Variants in CEP63 observed in about 807,000 individuals in gnomAD.
CEP63 encodes centrosomal protein 63, also known as centrosomal protein of 63 kDa.
A neutral mutation model predicts 89.1 loss-of-function variants in CEP63; 84 were observed. The observed-to-expected ratio is 0.94, with a 90% CI of 0.79 to 1.13. CEP63 has a LOEUF of 1.13. Among genes scored for constraint, CEP63 ranks in the 50% most tolerant of loss-of-function variants. The pLI is 0.00. For synonymous variants in CEP63, 267 were observed against 272.5 expected, an observed-to-expected ratio of 0.98 and a Z score of 0.20; for missense variants, 838 against 813.3, an observed-to-expected ratio of 1.03 and a Z score of -0.37.
the CEP63 span, among the ~76,000 whole-genome samples, chr3:134,706,297 T>G: frequency 3.3e-5 from 5 of 152,184 alleles, no homozygotes; most frequent in African/African-American, 1.2e-4. Flanking sequence ...TCTGTAGGCT[T>G]AAAATCAGCT....
the CEP63 span, among the ~76,000 whole-genome samples, chr3:134,701,240 A>G: frequency 1.4e-4 from 19 of 136,462 alleles, no homozygotes; most frequent in Non-Finnish European, 2.8e-4. Context: ...GTATATATAC[A>G]CACATATATA....
chr3:134,649,757 TG>T, the CEP63 span, among the ~76,000 whole-genome samples: 2 of 152,216 alleles, frequency 1.3e-5, no homozygotes, highest in Admixed American at 6.5e-5. Flanking sequence ...CCTATGTGGC[TG>T]GTAGTGGCAA....
rs536543915 is a variant in CEP63, at chr3:134,552,002, G to T, written c.1457G>T (p.Gly486Val). The change falls in exon 12 of 15, where the codon GGT (glycine) becomes GTT (valine). Residue 486 changes from glycine to valine, a missense_variant. Coordinates refer to ENST00000675561, the MANE Select transcript of CEP63 (RefSeq NM_001353108.3). Reference protein sequence around the residue: ...LSEMVMKLELGLHEAKEISLA... With the variant: ...LSEMVMKLELVLHEAKEISLA... ...GAAATGGTGATGAAATTGGAATTGG[G>T]TTTACATGAGGTACATAAATAGAAA... 1,184 of 1,587,036 alleles carry T rather than the reference G, an allele frequency of 7.5e-4. 18 individuals are homozygous for T. The South Asian group carries it at 0.013, about 17-fold the overall frequency.
chr3:134,588,212 G>C (rs1033218960), downstream of CEP63, among the ~76,000 whole-genome samples: 1 of 152,072 alleles, frequency 6.6e-6, no homozygotes, highest in East Asian at 1.9e-4. Context: ...AGAATCACTT[G>C]AGGGGGATAG....
At chr3:134,534,364 C>T (rs959898314) in intron 5 of CEP63, among the ~76,000 whole-genome samples, 1 of 152,174 alleles carries the variant, frequency 6.6e-6, no homozygotes, top group Admixed American at 6.5e-5. Context: ...TATGCCACCC[C>T]TCTAGAATCT....
At chr3:134,552,699 G>A (rs1308030782) in intron 12 of CEP63, 5 of 151,316 alleles carry the variant, frequency 3.3e-5, no homozygotes, top group African/African-American at 9.7e-5. Flanking sequence ...TATCTTTTTA[G>A]AAAGTATATT....
the CEP63 span, among the ~76,000 whole-genome samples, chr3:134,766,667 C>T: frequency 2.6e-5 from 4 of 152,242 alleles, no homozygotes; most frequent in African/African-American, 4.8e-5. Context: ...AGAGTGAGGC[C>T]GGAACAGTCA....
chr3:134,500,892 T>C (rs946122254), intron 2 of CEP63, among the ~76,000 whole-genome samples: 3 of 152,196 alleles, frequency 2.0e-5, no homozygotes, highest in African/African-American at 7.2e-5. Flanking sequence ...ACATATCTTT[T>C]TGAGTCATAA....
chr3:134,775,225 G>T, the CEP63 span, among the ~76,000 whole-genome samples: 1 of 152,182 alleles, frequency 6.6e-6, no homozygotes, highest in Non-Finnish European at 1.5e-5. Context: ...ACGTGATTTA[G>T]TGGAATAGTG....
At chr3:134,649,286 TG>T in the CEP63 span, among the ~76,000 whole-genome samples, 1 of 152,174 alleles carries the variant, frequency 6.6e-6, no homozygotes, top group Non-Finnish European at 1.5e-5. Context: ...ATGGCGAGTT[TG>T]TGCTAGGTGT....
the CEP63 span, among the ~76,000 whole-genome samples, chr3:134,681,011 C>T: frequency 6.6e-6 from 1 of 152,182 alleles, no homozygotes; most frequent in Admixed American, 6.5e-5. Flanking sequence ...AGGTGGCACT[C>T]GGGACAGGAG....
chr3:134,501,795 C>G (rs1222535278), intron 2 of CEP63, among the ~76,000 whole-genome samples: 1 of 152,136 alleles, frequency 6.6e-6, no homozygotes, highest in African/African-American at 2.4e-5. Context: ...TTGACTTTTT[C>G]TTTTCCTATT....
the CEP63 span, among the ~76,000 whole-genome samples, chr3:134,705,435 C>A: frequency 2.6e-5 from 4 of 152,160 alleles, no homozygotes; most frequent in Non-Finnish European, 5.9e-5. Flanking sequence ...TGGCACCATG[C>A]CATTCATAAA....
chr3:134,709,439 A>G, the CEP63 span, among the ~76,000 whole-genome samples: 1 of 137,734 alleles, frequency 7.3e-6, no homozygotes, highest in Non-Finnish European at 1.5e-5. Flanking sequence ...GTCATAGGAC[A>G]TGTTCACAAA....
At chr3:134,497,195 A>C (rs1182256313) in intron 2 of CEP63, among the ~76,000 whole-genome samples, 1 of 152,120 alleles carries the variant, frequency 6.6e-6, no homozygotes. Flanking sequence ...ATAGTTTGCA[A>C]ATATTTTCTC....
At chr3:134,730,679 A>G in the CEP63 span, among the ~76,000 whole-genome samples, 1 of 152,166 alleles carries the variant, frequency 6.6e-6, no homozygotes, top group South Asian at 2.1e-4. Flanking sequence ...CTATAAACTT[A>G]AAAAAATGAA....
intron 6 of CEP63, among the ~76,000 whole-genome samples, chr3:134,538,540 T>TATATAC (rs1577185236): frequency 2.2e-5 from 3 of 138,740 alleles, no homozygotes; most frequent in East Asian, 4.4e-4. Context: ...TGTGTATATA[T>TATATAC]ATATATATAT....
At chr3:134,488,112 A>C (rs1026772157) in intron 1 of CEP63, 1 of 152,292 alleles carries the variant, frequency 6.6e-6, no homozygotes, top group Non-Finnish European at 1.5e-5. Context: ...GCTAGTGAGC[A>C]TTACCTACCA....
Position 134,564,547 on chromosome 3 carries a change from C to A in CEP63, c.*3012C>A. 1.0e-6 allele frequency: 1 copy of A among 985,414 alleles called. No homozygotes were observed. Among genetic ancestry groups the A allele is most frequent in the South Asian group, 4.7e-5 (1 of 21,292 alleles). The allele number at this position is 985,414 out of a possible 1,614,324, so 61.0% of individuals were successfully genotyped here. On this transcript the variant is annotated 3_prime_UTR_variant, in exon 15 of 15. Coordinates refer to ENST00000675561, the MANE Select transcript of CEP63 (RefSeq NM_001353108.3). ...TCCTCAGTCAGCATGCTGCCTAACA[C>A]ATAACAGATCCTAAGCAAATATTGG... is the stretch of plus-strand genomic sequence containing the variant.
Sources: allele counts gnomAD v4.1 joint callset (sites outside exome capture counted in the v4.1 genomes callset), GRCh38; gene constraint gnomAD v4.1.1; transcripts MANE v1.5; gene names NCBI Gene and HGNC (gene_info 2026-07-23, HGNC 2026-07-21).